The following STK10 variants were observed in gnomAD, a reference collection of about 807,000 sequenced individuals.
STK10 encodes the protein serine/threonine kinase 10.
A neutral mutation model predicts 113.8 loss-of-function variants in STK10; 78 were observed. That is an observed-to-expected ratio of 0.69 (90% CI 0.57 to 0.83). The LOEUF is 0.83. Among genes scored for constraint, STK10 ranks in the 40% least tolerant of loss-of-function variants. STK10 has a pLI of 0.00. For synonymous variants in STK10, 465 were observed against 494.7 expected (o/e 0.94, Z 0.80); for missense variants, 1,109 against 1,280.1 (o/e 0.87, Z 2.04).
intron 1 of STK10, among the ~76,000 whole-genome samples, chr5:172,186,874 G>A (rs1316630991): frequency 2.0e-5 from 3 of 152,100 alleles, no homozygotes; most frequent in Non-Finnish European, 2.9e-5. Context: ...AAGGCCTGGA[G>A]AAGCCTTCTC....
chr5:172,137,213 G>A (rs1769880940), intron 2 of STK10, among the ~76,000 whole-genome samples: 1 of 152,022 alleles, frequency 6.6e-6, no homozygotes, highest in African/African-American at 2.4e-5. Context: ...TTGAGAATGT[G>A]GCCCAGCAGG....
intron 2 of STK10, among the ~76,000 whole-genome samples, chr5:172,148,898 A>G (rs1770145701): frequency 6.6e-6 from 1 of 152,174 alleles, no homozygotes; most frequent in South Asian, 2.1e-4. Flanking sequence ...CAACATCTCA[A>G]TCTCGAGCCA....
At chr5:172,045,596 C>T in intron 18 of STK10, 1 of 338,240 alleles carries the variant, frequency 3.0e-6, no homozygotes, top group Non-Finnish European at 5.8e-6. Flanking sequence ...ACAAACTCTT[C>T]AGGTAACTCA....
chr5:172,106,551 TCCA>T, intron 6 of STK10, 66 bp downstream of exon 6: 1 of 1,489,632 alleles, frequency 6.7e-7, no homozygotes, highest in African/African-American at 1.4e-5. Flanking sequence ...CCCAGCCCCG[TCCA>T]CCACATATTC....
At chr5:172,177,848 G>A (rs1770784017) in intron 1 of STK10, among the ~76,000 whole-genome samples, 1 of 152,124 alleles carries the variant, frequency 6.6e-6, no homozygotes, top group South Asian at 2.1e-4. Flanking sequence ...GTTTTGTTGA[G>A]ACAGAGTCTT....
intron 3 of STK10, among the ~76,000 whole-genome samples, chr5:172,123,396 G>A (rs1053555612): frequency 2.0e-5 from 3 of 152,198 alleles, no homozygotes; most frequent in Non-Finnish European, 4.4e-5. Flanking sequence ...AGGAGAACTG[G>A]GACGGGAGCC....
Position 172,188,064 on chromosome 5 carries a change from G to A in STK10, c.-22C>T, listed in dbSNP as rs369062158. 1.1e-4 allele frequency: 169 copies of A among 1,583,102 alleles called. No individual in the cohort carries two copies. Among genetic ancestry groups the A allele is most frequent in the Non-Finnish European group, 5.3e-5 (62 of 1,162,408 alleles). On this transcript the variant is annotated 5_prime_UTR_variant, in exon 1 of 19. Transcript: ENST00000176763. The surrounding 1 kb of genome is among the most constrained non-coding windows in gnomAD (Gnocchi z 5.6). ...CCATGGCCGGGGGCGCGGTGGCGCC[G>A]GCTCGGGCTCGGGCTCGGGCTCGGG... is the stretch of plus-strand genomic sequence containing the variant.
intron 12 of STK10, among the ~76,000 whole-genome samples, chr5:172,076,119 G>A (rs1561796963): frequency 6.6e-6 from 1 of 151,392 alleles, no homozygotes; most frequent in South Asian, 2.1e-4. Context: ...GACCTTGAGG[G>A]TGGAGAGTTC....
chr5:172,159,994 G>C (rs1056720340), intron 1 of STK10, among the ~76,000 whole-genome samples: 1 of 151,282 alleles, frequency 6.6e-6, no homozygotes, highest in African/African-American at 2.4e-5. Flanking sequence ...AAATTAGCTG[G>C]GCGTGGTGGC....
At position 172,153,282 on chromosome 5, in the gene STK10, ATC is replaced by A. The variant is rs1363374103; in HGVS notation, c.321+3340_321+3341del. Among the ~76,000 whole-genome samples, 10 of 142,980 alleles carry A rather than the reference ATC, an allele frequency of 7.0e-5. 1 individual carries two copies. In the East Asian group the frequency reaches 1.1e-3, roughly 15 times the overall value. 93.8% of individuals were successfully genotyped at this position (142,980 alleles called of 152,430 possible). On this transcript the variant is annotated intron_variant, in intron 2 of 18. Coordinates refer to ENST00000176763, the MANE Select transcript of STK10 (RefSeq NM_005990.4). ...GCCTGGGCAACAGGAGCAAAACTCC[ATC>A]TCAAAAAGAAAGAAAGAAAGAAAGA... is the stretch of plus-strand genomic sequence containing the variant.
At chr5:172,046,355 T>A (rs1214516313) in intron 18 of STK10, among the ~76,000 whole-genome samples, 2 of 63,678 alleles carry the variant, frequency 3.1e-5, no homozygotes, top group South Asian at 4.8e-4. Flanking sequence ...AGACTCTGTC[T>A]CAAAAAAAAA....
In STK10 at chr5:172,188,063, C is replaced by CGGCTCG. The variant is rs552451973; in HGVS notation, c.-27_-22dup. On this transcript the variant is annotated 5_prime_UTR_variant, in exon 1 of 19. Coordinates refer to ENST00000176763, the MANE Select transcript of STK10 (RefSeq NM_005990.4). The surrounding 1 kb of genome is among the most constrained non-coding windows in gnomAD (Gnocchi z 5.6). ...GCCATGGCCGGGGGCGCGGTGGCGC[C>CGGCTCG]GGCTCGGGCTCGGGCTCGGGCTCGG... 294 of 1,607,924 alleles carry CGGCTCG rather than the reference C, an allele frequency of 1.8e-4. No homozygotes were observed. Among genetic ancestry groups the CGGCTCG allele is most frequent in the African/African-American group, 8.3e-4 (62 of 74,898 alleles).
At chr5:172,170,461 G>T (rs1342148661) in intron 1 of STK10, among the ~76,000 whole-genome samples, 4 of 152,170 alleles carry the variant, frequency 2.6e-5, no homozygotes, top group African/African-American at 4.8e-5. Flanking sequence ...AGATGGCCAA[G>T]TTTCAGAACA....
intron 12 of STK10, among the ~76,000 whole-genome samples, chr5:172,073,018 G>T (rs1052027985): frequency 6.6e-6 from 1 of 152,130 alleles, no homozygotes; most frequent in African/African-American, 2.4e-5. Context: ...TTGTTCCCAG[G>T]CTAAAGCACA....
chr5:172,057,434 A>G lies in STK10; in HGVS notation c.2252T>C (p.Leu751Pro). 1 of 1,551,146 alleles carries G rather than the reference A, an allele frequency of 6.4e-7. No individual in the cohort carries two copies. Among genetic ancestry groups the G allele is most frequent in the Non-Finnish European group, 8.7e-7 (1 of 1,147,582 alleles). The change falls in exon 15 of 19, where the codon CTG (leucine) becomes CCG (proline). Residue 751 changes from leucine to proline, a missense_variant. Physicochemically the swap from Leu to Pro is moderately conservative, Grantham distance 98. Coordinates refer to ENST00000176763, the MANE Select transcript of STK10 (RefSeq NM_005990.4). ...CTTCACCAGCTGGTGCCTCTCCTGC[A>G]GCTGGTGCTCTTCCATCTCCCACAG... Reference protein sequence around the residue: ...AALWEMEEHQLQERHQLVKQQ... With the variant: ...AALWEMEEHQPQERHQLVKQQ...
At position 172,082,626 on chromosome 5, in the gene STK10, T is replaced by C. The variant is rs752750871; in HGVS notation, c.1810-121A>G. On this transcript the variant is annotated intron_variant, in intron 11 of 18. Transcript: ENST00000176763. The surrounding 1 kb of genome is among the most constrained non-coding windows in gnomAD (Gnocchi z 4.3). The stretch of plus-strand genomic sequence containing the variant: ...CAGACCTAAGCTTGAATCCCAGCTC[T>C]ACTACCCCGTTGCTGTGTGACCTGG... 3 of 1,283,214 alleles carry C rather than the reference T, an allele frequency of 2.3e-6. No homozygotes were observed. Among genetic ancestry groups the C allele is most frequent in the Admixed American group, 2.9e-5 (1 of 34,742 alleles). The allele number at this position is 1,283,214 out of a possible 1,614,324, so 79.5% of individuals were successfully genotyped here.
At chr5:172,125,327 T>C (rs891926485) in intron 3 of STK10, among the ~76,000 whole-genome samples, 3 of 152,180 alleles carry the variant, frequency 2.0e-5, no homozygotes, top group Non-Finnish European at 2.9e-5. Flanking sequence ...TATGCACTTA[T>C]ACATCTCCCT....
At chr5:172,071,521 G>A (rs568529201) in intron 12 of STK10, among the ~76,000 whole-genome samples, 5 of 151,982 alleles carry the variant, frequency 3.3e-5, no homozygotes, top group Middle Eastern at 3.4e-3. Context: ...CCTGTCCTCC[G>A]ACTGACTCTT....
At chr5:172,076,228 ATTT>A (rs1768303441) in intron 12 of STK10, among the ~76,000 whole-genome samples, 1 of 26,136 alleles carries the variant, frequency 3.8e-5, no homozygotes, top group African/African-American at 2.5e-4. Flanking sequence ...CGTCCTGTGC[ATTT>A]GTTGTGGGGG....
Sources: gnomAD v4.1 joint callset for allele counts (sites outside exome capture counted in the v4.1 genomes callset) on GRCh38, gnomAD v4.1.1 for gene constraint, Gnocchi (gnomAD v3.1) non-coding constraint, MANE v1.5 for transcripts, NCBI Gene and HGNC (gene_info 2026-07-23, HGNC 2026-07-21) for gene names.